The following TRAPPC9 variants were observed in gnomAD, a reference collection of about 807,000 sequenced individuals.
The protein encoded by TRAPPC9 is trafficking protein particle complex subunit 9.
A neutral mutation model predicts 124.0 loss-of-function variants in TRAPPC9; 83 were observed. The observed-to-expected ratio is 0.67, with a 90% confidence interval of 0.56 to 0.80. The LOEUF (loss-of-function observed/expected upper bound fraction) is 0.80. TRAPPC9 is among the 30% of genes least tolerant of loss of function. The pLI, the probability that TRAPPC9 is intolerant of heterozygous loss-of-function variation, is 0.00. For synonymous variants in TRAPPC9, 638 were observed against 617.5 expected (o/e 1.03, Z -0.49); for missense variants, 1,302 against 1,508.3 (o/e 0.86, Z 2.27).
chr8:140,295,795 GAT>G (rs2065786973), intron 11 of TRAPPC9, among the ~76,000 whole-genome samples: 1 of 152,168 alleles, frequency 6.6e-6, no homozygotes, highest in African/African-American at 2.4e-5. Flanking sequence ...AAAGTTATGT[GAT>G]CTGTCAAGCT....
chr8:139,731,904 C>T (rs1446525808), intron 22 of TRAPPC9, 75 bp downstream of exon 22: 2 of 1,395,076 alleles, frequency 1.4e-6, no homozygotes, highest in Non-Finnish European at 2.0e-6. Flanking sequence ...GACCCCAAAG[C>T]CCACCACCCA....
chr8:140,260,125 G>A (rs1466525938), intron 15 of TRAPPC9, among the ~76,000 whole-genome samples: 4 of 151,952 alleles, frequency 2.6e-5, no homozygotes, highest in East Asian at 1.9e-4. Flanking sequence ...ACATATACAC[G>A]CTCACACCTA....
rs529523030 is a variant in TRAPPC9, at chr8:140,057,732, GGTGA to G, written c.2557-33657_2557-33654del. Among the ~76,000 whole-genome samples, 53 of 152,326 alleles carry G rather than the reference GGTGA, an allele frequency of 3.5e-4. No individual in the cohort carries two copies. In the Middle Eastern group the frequency reaches 0.01, roughly 29 times the overall value. Reference sequence around the variant, plus strand: ...AGGTATCAAGTTTTCAGTTATACAAGGTGAGTAAGTTTAGAGATCTGCCATAAGA... The same window carrying G: ...AGGTATCAAGTTTTCAGTTATACAAGGTAAGTTTAGAGATCTGCCATAAGA... On this transcript the variant is annotated intron_variant, in intron 17 of 22. Transcript: ENST00000438773.
At chr8:140,378,551 G>A (rs973647491) in intron 7 of TRAPPC9, among the ~76,000 whole-genome samples, 1 of 152,122 alleles carries the variant, frequency 6.6e-6, no homozygotes, top group South Asian at 2.1e-4. Context: ...AATCATGTGA[G>A]TTAATACTTA....
rs551851211 is a variant in TRAPPC9, at chr8:139,963,343, T to C, written c.2810+25383A>G. 2.7e-4 allele frequency among the ~76,000 whole-genome samples: 41 copies of C among 152,250 alleles called. No individual in the cohort carries two copies. In the East Asian group the frequency reaches 7.2e-3, roughly 27 times the overall value. ...ACGGAAACAGCAGAGCAGATACTTC[T>C]AGGAAGGTTAGATTTAACCCTAGGC... On this transcript the variant is annotated intron_variant, in intron 19 of 22. Coordinates refer to ENST00000438773, the MANE Select transcript of TRAPPC9 (RefSeq NM_001160372.4).
rs555188688 is a variant in TRAPPC9 at position 140,104,305 on chromosome 8, G to C, written c.2557-80226C>G. ...AGGAGGGCTCCCCGCTCTGCAATGG[G>C]TCTTGAAGAACGAGGCATTTTCTAG... On this transcript the variant is annotated intron_variant, in intron 17 of 22. Transcript: ENST00000438773. This position sits in a 1 kb window ranked among gnomAD's most constrained non-coding sequence, Gnocchi z 4.0. Among the ~76,000 whole-genome samples, 1 of 152,266 alleles carries C rather than the reference G, an allele frequency of 6.6e-6. No homozygotes were observed. Among genetic ancestry groups the C allele is most frequent in the South Asian group, 2.1e-4 (1 of 4,818 alleles).
intron 17 of TRAPPC9, among the ~76,000 whole-genome samples, chr8:140,043,360 GA>G (rs1179752745): frequency 1.3e-5 from 2 of 152,082 alleles, no homozygotes; most frequent in Non-Finnish European, 2.9e-5. Context: ...CCATCCTACA[GA>G]AAAAAAGCCC....
intron 15 of TRAPPC9, among the ~76,000 whole-genome samples, chr8:140,264,430 C>T (rs886483946): frequency 6.6e-6 from 1 of 152,140 alleles, no homozygotes; most frequent in Admixed American, 6.5e-5. Context: ...TACTAAATGG[C>T]TTCTGGTTTG....
At chr8:139,999,920 T>TA (rs1838280050) in intron 18 of TRAPPC9, among the ~76,000 whole-genome samples, 1 of 152,160 alleles carries the variant, frequency 6.6e-6, no homozygotes, top group African/African-American at 2.4e-5. Flanking sequence ...AAGCAGTACT[T>TA]AGAGAAAAAT....
rs970478427 is a variant in TRAPPC9 at position 140,097,326 on chromosome 8, G to C, written c.2557-73247C>G. ...AGGATGAGACGGCTCACCCGAGTCC[G>C]CCATGCGCAGCCCTGCCACTGTCTG... On this transcript the variant is annotated intron_variant, in intron 17 of 22. Coordinates refer to ENST00000438773, the MANE Select transcript of TRAPPC9 (RefSeq NM_001160372.4). This position sits in a 1 kb window ranked among gnomAD's most constrained non-coding sequence, Gnocchi z 4.2. The C allele has an allele frequency of 6.6e-6, 1 of 152,312 alleles. No individual in the cohort carries two copies. The highest frequency in any genetic ancestry group is 1.9e-4 in the East Asian group (1 of 5,190). 9.4% of individuals were successfully genotyped at this position (152,312 alleles called of 1,614,324 possible). A position where few individuals can be genotyped will look rare whatever the true frequency, so the allele number is the denominator to read the frequency against.
intron 19 of TRAPPC9, among the ~76,000 whole-genome samples, chr8:139,948,102 C>G (rs1048588821): frequency 6.6e-6 from 1 of 151,480 alleles, no homozygotes; most frequent in Non-Finnish European, 1.5e-5. Flanking sequence ...GAATCATAAG[C>G]CTTGCATCAC....
intron 17 of TRAPPC9, chr8:140,095,790 C>G (rs1844899547): frequency 6.6e-6 from 1 of 152,212 alleles, no homozygotes. Context: ...GGAGAAGGTT[C>G]TAATTCAGCA....
At chr8:140,065,010 A>G (rs1394507532) in intron 17 of TRAPPC9, among the ~76,000 whole-genome samples, 1 of 152,234 alleles carries the variant, frequency 6.6e-6, no homozygotes, top group Non-Finnish European at 1.5e-5. Flanking sequence ...TAATGAGCAC[A>G]GACTTCGCCC....
rs930040850 is a variant in TRAPPC9 at position 140,241,914 on chromosome 8, A to G, written c.2431+10863T>C. ...ACTGCATACTGGGAAAGGAGAGAGC[A>G]CACGGCAGCTACGTGGGAGACTCAG... On this transcript the variant is annotated intron_variant, in intron 16 of 22. Coordinates refer to ENST00000438773, the MANE Select transcript of TRAPPC9 (RefSeq NM_001160372.4). The surrounding 1 kb of genome is among the most constrained non-coding windows in gnomAD (Gnocchi z 5.0). Among the ~76,000 whole-genome samples, 2 of 152,132 alleles carry G rather than the reference A, an allele frequency of 1.3e-5. No individual in the cohort carries two copies. The highest frequency in any genetic ancestry group is 4.8e-5 in the African/African-American group (2 of 41,426).
chr8:140,013,915 A>G (rs1020953145), intron 18 of TRAPPC9, among the ~76,000 whole-genome samples: 3 of 152,236 alleles, frequency 2.0e-5, no homozygotes, highest in Admixed American at 1.3e-4. Context: ...AGCGCCAATG[A>G]GCAGGAGAAT....
chr8:140,078,437 C>T (rs1439044264), intron 17 of TRAPPC9, among the ~76,000 whole-genome samples: 1 of 152,122 alleles, frequency 6.6e-6, no homozygotes, highest in Non-Finnish European at 1.5e-5. Context: ...GGCAACTGCA[C>T]TGGATGGAGG....
At chr8:140,293,176 C>T (rs1307585156) in intron 11 of TRAPPC9, among the ~76,000 whole-genome samples, 1 of 148,180 alleles carries the variant, frequency 6.7e-6, no homozygotes, top group Admixed American at 6.6e-5. Context: ...TACCATCTCA[C>T]ACCAGTTAGA....
chr8:140,248,039 T>A (rs911349872), intron 16 of TRAPPC9, among the ~76,000 whole-genome samples: 1 of 152,208 alleles, frequency 6.6e-6, no homozygotes, highest in Non-Finnish European at 1.5e-5. Flanking sequence ...TTCACTAGAA[T>A]CACTCTGCAT....
chr8:140,360,778 G>C (rs777747689), intron 8 of TRAPPC9, among the ~76,000 whole-genome samples: 1 of 152,152 alleles, frequency 6.6e-6, no homozygotes, highest in African/African-American at 2.4e-5. Context: ...CTGTCATCCA[G>C]GCTGGAGTGT....
Sources: gnomAD v4.1 joint callset for allele counts (sites outside exome capture counted in the v4.1 genomes callset) on GRCh38, gnomAD v4.1.1 for gene constraint, Gnocchi (gnomAD v3.1) non-coding constraint, MANE v1.5 for transcripts, NCBI Gene and HGNC (gene_info 2026-07-23, HGNC 2026-07-21) for gene names.